The following ICE2 variants were observed in gnomAD, a reference collection of about 807,000 sequenced individuals.
ICE2 encodes little elongation complex subunit 2.
In ICE2, 87 loss-of-function variants were observed where a neutral mutation model predicts 105.4. The ratio of observed to expected loss-of-function variants is 0.83; its 90% CI spans 0.69 to 0.99. ICE2 has a LOEUF of 0.99. Among genes scored for constraint, ICE2 ranks in the 50% least tolerant of loss-of-function variants. The probability of loss-of-function intolerance (pLI) is 0.00; values close to 1 mark genes in which losing one functional copy is unlikely to be tolerated. For missense variants in ICE2, 1,323 were observed against 1,146.7 expected (o/e 1.15, Z -2.22); for synonymous variants, 399 against 392.0 (o/e 1.02, Z -0.21).
intron 5 of ICE2, among the ~76,000 whole-genome samples, chr15:60,464,246 G>A (rs1390137151): frequency 6.6e-6 from 1 of 152,142 alleles, no homozygotes; most frequent in African/African-American, 2.4e-5. Context: ...TGTTAATAAA[G>A]TACAGTTTTA....
At chr15:60,454,782 C>T in intron 8 of ICE2, 1 of 407,696 alleles carries the variant, frequency 2.5e-6, no homozygotes, top group Non-Finnish European at 4.3e-6. Flanking sequence ...TGGTTTGCTG[C>T]ACGTATCAAC....
At chr15:60,438,634 A>T (rs1595758759) in intron 12 of ICE2, 1 of 152,246 alleles carries the variant, frequency 6.6e-6, no homozygotes, top group Non-Finnish European at 1.5e-5. Flanking sequence ...AAATTCATTT[A>T]AAAAAGTTTT....
intron 15 of ICE2, among the ~76,000 whole-genome samples, chr15:60,427,347 CAGT>C (rs368870973): frequency 2.7e-3 from 408 of 152,282 alleles, no homozygotes; most frequent in African/African-American, 9.6e-3. Context: ...AGACTTTTGG[CAGT>C]AAGTAAGGAA....
chr15:60,457,601 T>C (rs1490773477), intron 5 of ICE2, among the ~76,000 whole-genome samples: 1 of 152,166 alleles, frequency 6.6e-6, no homozygotes, highest in African/African-American at 2.4e-5. Context: ...CTTCACATAT[T>C]TGTAAAATGT....
chr15:60,477,985 G>GA lies in ICE2; in HGVS notation c.-9dup. The GA allele has an allele frequency of 6.2e-7, 1 of 1,613,842 alleles. No individual in the cohort carries two copies. ...GACCATCTTGGAGCTCATCTTCCTA[G>GA]ATTTCTGCTTCACTCTAGCTCACAG... is the stretch of plus-strand genomic sequence containing the variant. On this transcript the variant is annotated 5_prime_UTR_variant, in exon 2 of 16. Transcript: ENST00000261520.
chr15:60,447,793 ACTTTC>A, intron 11 of ICE2, 172 bp downstream of exon 11: 1 of 536,900 alleles, frequency 1.9e-6, no homozygotes, highest in Non-Finnish European at 3.3e-6. Context: ...ATATACAAAC[ACTTTC>A]CCTTATTAAA....
At chr15:60,432,076 A>C in intron 13 of ICE2, 92 bp from the exon 14 acceptor site, 2 of 609,996 alleles carry the variant, frequency 3.3e-6, no homozygotes, top group East Asian at 6.1e-5. Flanking sequence ...GCCCTCAATA[A>C]CAACAACAAA....
At chr15:60,448,419 T>C (rs1208038796) in intron 10 of ICE2, among the ~76,000 whole-genome samples, 1 of 152,046 alleles carries the variant, frequency 6.6e-6, no homozygotes, top group Non-Finnish European at 1.5e-5. Context: ...GTGAGAAAAA[T>C]AAAAAGTTTA....
chr15:60,435,381 C>T (rs1052806298), intron 13 of ICE2, among the ~76,000 whole-genome samples: 1 of 152,108 alleles, frequency 6.6e-6, no homozygotes, highest in African/African-American at 2.4e-5. Flanking sequence ...AGGAGGATCA[C>T]CCGAGGTCGG....
At chr15:60,434,520 T>TACAC (rs71122858) in intron 13 of ICE2, among the ~76,000 whole-genome samples, 8,666 of 144,544 alleles carry the variant, frequency 0.06, 294 homozygotes, top group Middle Eastern at 0.11. Flanking sequence ...AAAATGTGAT[T>TACAC]ACACACACAC....
intron 3 of ICE2, among the ~76,000 whole-genome samples, chr15:60,474,695 T>C (rs1259351930): frequency 2.6e-5 from 4 of 152,226 alleles, no homozygotes; most frequent in African/African-American, 9.6e-5. Context: ...TTGTTCCTTA[T>C]TTCTTCCCAG....
intron 5 of ICE2, among the ~76,000 whole-genome samples, chr15:60,462,041 A>G (rs923878372): frequency 6.6e-6 from 1 of 152,212 alleles, no homozygotes; most frequent in African/African-American, 2.4e-5. Context: ...AAGAAAAGAC[A>G]CCAACATTGG....
chr15:60,441,867 T>C (rs1251172642), intron 12 of ICE2: 1 of 152,226 alleles, frequency 6.6e-6, no homozygotes, highest in Non-Finnish European at 1.5e-5. Flanking sequence ...TCAAAATATT[T>C]GAGGTTTTAA....
At chr15:60,454,587 GA>G (rs1167114543) in intron 8 of ICE2, 2 of 154,366 alleles carry the variant, frequency 1.3e-5, no homozygotes, top group Non-Finnish European at 2.9e-5. Flanking sequence ...AAGTTTCACT[GA>G]ATGTGTCAAA....
Position 60,420,150 on chromosome 15 carries a change from C to CT in ICE2, c.*3483dup. ...ACCTAGAATCCAAAAGTAGAAATGA[C>CT]TAAAAAAAAAAATGAACATTTTAAA... On this transcript the variant is annotated 3_prime_UTR_variant, in exon 16 of 16. Transcript: ENST00000261520. The CT allele has an allele frequency of 3.7e-4, 1 of 2,714 alleles. No homozygotes were observed. The highest frequency in any genetic ancestry group is 1.9e-3 in the African/African-American group (1 of 526). 0.2% of individuals were successfully genotyped at this position (2,714 alleles called of 1,614,324 possible).
chr15:60,437,259 A>AT (rs1404516898), intron 12 of ICE2, among the ~76,000 whole-genome samples: 2 of 151,434 alleles, frequency 1.3e-5, no homozygotes, highest in African/African-American at 4.8e-5. Flanking sequence ...CGTCTCAAAA[A>AT]ATATATATAT....
intron 12 of ICE2, chr15:60,438,519 T>C (rs1266706429): frequency 6.6e-6 from 1 of 151,982 alleles, no homozygotes; most frequent in African/African-American, 2.4e-5. Flanking sequence ...CAAAGACATA[T>C]CGTAATGATT....
chr15:60,478,624 T>C (rs2141189875), intron 1 of ICE2: 1 of 322,922 alleles, frequency 3.1e-6, no homozygotes, highest in South Asian at 2.4e-5. Context: ...ACTTCTCCTG[T>C]GACCCCAGGC....
At chr15:60,463,772 TAAAAA>T (rs1278226804) in intron 5 of ICE2, among the ~76,000 whole-genome samples, 2 of 151,450 alleles carry the variant, frequency 1.3e-5, no homozygotes, top group Non-Finnish European at 2.9e-5. Context: ...CTCCGTCTCT[TAAAAA>T]AAGAAAAAAA....
Sources: allele counts gnomAD v4.1 joint callset (sites outside exome capture counted in the v4.1 genomes callset), GRCh38; gene constraint gnomAD v4.1.1; transcripts MANE v1.5; gene names NCBI Gene and HGNC (gene_info 2026-07-23, HGNC 2026-07-21).